STXBP5: variants seen among roughly 807,000 people sequenced by gnomAD.
STXBP5 encodes syntaxin-binding protein 5.
STXBP5 carries 50 observed loss-of-function variants against 152.4 expected under a neutral mutation model. That is an observed-to-expected ratio of 0.33 (90% confidence interval 0.26 to 0.42). The LOEUF (loss-of-function observed/expected upper bound fraction) is 0.42. Ranked by LOEUF, STXBP5 falls within the 10% of genes least tolerant of loss-of-function variation. STXBP5 has a pLI of 1.00. For missense variants in STXBP5, 1,167 were observed against 1,388.6 expected, an observed-to-expected ratio of 0.84 and a Z score of 2.54; for synonymous variants, 492 against 494.7, an observed-to-expected ratio of 0.99 and a Z score of 0.07.
chr6:147,341,177 G>GT (rs1228894585), intron 21 of STXBP5, among the ~76,000 whole-genome samples: 2 of 151,876 alleles, frequency 1.3e-5, no homozygotes, highest in South Asian at 2.1e-4. Context: ...AGACTGTAAA[G>GT]TTTTTTTGCA....
intron 7 of STXBP5, 72 bp downstream of exon 7, chr6:147,267,239 T>G: frequency 7.5e-7 from 1 of 1,329,600 alleles, no homozygotes; most frequent in Non-Finnish European, 1.0e-6. Flanking sequence ...AAAACTTAAT[T>G]GGTAATTTTA....
In STXBP5 at chr6:147,363,981, T is replaced by C. The variant is rs1167108558; in HGVS notation, c.2916-20T>C. On this transcript the variant is annotated intron_variant, in intron 24 of 27. Transcript: ENST00000321680. ...TAAAACCTACCTTATTATTAACAAGTTTTTAATTTTTTTCTCAAGTTTGCC... is the reference window on the plus strand; with the variant it reads ...TAAAACCTACCTTATTATTAACAAGCTTTTAATTTTTTTCTCAAGTTTGCC... The C allele has an allele frequency of 6.2e-7, 1 of 1,607,830 alleles. No individual in the cohort carries two copies. Among genetic ancestry groups the C allele is most frequent in the Admixed American group, 1.7e-5 (1 of 59,134 alleles).
intron 26 of STXBP5, among the ~76,000 whole-genome samples, chr6:147,379,771 G>A (rs2128422138): frequency 6.6e-6 from 1 of 151,954 alleles, no homozygotes; most frequent in Non-Finnish European, 1.5e-5. Flanking sequence ...ACTAATTATA[G>A]CTAATAAACA....
chr6:147,350,480 AT>A (rs1784539562), intron 21 of STXBP5, among the ~76,000 whole-genome samples: 1 of 152,164 alleles, frequency 6.6e-6, no homozygotes, highest in African/African-American at 2.4e-5. Context: ...CGTTTAATGT[AT>A]TCAGAGATGA....
chr6:147,329,596 A>G (rs1010493459), intron 18 of STXBP5, among the ~76,000 whole-genome samples: 7 of 137,548 alleles, frequency 5.1e-5, no homozygotes, highest in African/African-American at 1.9e-4. Context: ...TTGACCAAAT[A>G]TCATCAAATT....
rs932706091 is a variant in STXBP5, at chr6:147,328,412, C to T, written c.2080+1136C>T. On this transcript the variant is annotated intron_variant, in intron 18 of 27. Coordinates refer to ENST00000321680, the MANE Select transcript of STXBP5 (RefSeq NM_001127715.4). ...GGTCTGTACTTCCTAACTCAGTCCC[C>T]TCTGAATTAAAATTCATTCTGCAAA... Among the ~76,000 whole-genome samples the T allele has an allele frequency of 3.9e-5, 6 of 152,180 alleles. No homozygotes were observed. The East Asian group carries it at 1.2e-3, about 29-fold the overall frequency.
At chr6:147,297,487 ATTAC>A (rs975626315) in intron 9 of STXBP5, among the ~76,000 whole-genome samples, 3 of 152,180 alleles carry the variant, frequency 2.0e-5, no homozygotes, top group Non-Finnish European at 4.4e-5. Context: ...AAAGCAGGTA[ATTAC>A]TGTCATGAAA....
intron 22 of STXBP5, among the ~76,000 whole-genome samples, chr6:147,355,733 T>C (rs528346893): frequency 1.1e-4 from 17 of 152,156 alleles, no homozygotes; most frequent in Admixed American, 2.6e-4. Flanking sequence ...AAGGTAGTTA[T>C]GTAGATTCAA....
chr6:147,346,715 G>T (rs1180302522), intron 21 of STXBP5, among the ~76,000 whole-genome samples: 1 of 152,026 alleles, frequency 6.6e-6, no homozygotes, highest in Non-Finnish European at 1.5e-5. Flanking sequence ...ACTCCAGTGT[G>T]GGTGACAGGG....
chr6:147,252,705 A>C (rs920450221), intron 4 of STXBP5, among the ~76,000 whole-genome samples: 5 of 152,192 alleles, frequency 3.3e-5, no homozygotes, highest in African/African-American at 1.2e-4. Flanking sequence ...GCCAACATTC[A>C]AATTCAGGAA....
intron 4 of STXBP5, among the ~76,000 whole-genome samples, chr6:147,249,523 C>T (rs901073829): frequency 1.3e-5 from 2 of 152,140 alleles, no homozygotes; most frequent in African/African-American, 4.8e-5. Flanking sequence ...GTCCCCTACA[C>T]AATAGGTAAG....
intron 4 of STXBP5, among the ~76,000 whole-genome samples, chr6:147,251,126 G>A (rs1229738862): frequency 1.3e-5 from 2 of 152,182 alleles, no homozygotes; most frequent in African/African-American, 4.8e-5. Context: ...AGTGGGTGCA[G>A]TCCACAGAGA....
At position 147,232,022 on chromosome 6, in the gene STXBP5, A is replaced by G. The variant is rs529515350; in HGVS notation, c.249-3228A>G. On this transcript the variant is annotated intron_variant, in intron 2 of 27. Coordinates refer to ENST00000321680, the MANE Select transcript of STXBP5 (RefSeq NM_001127715.4). ...AGTGAATAATACATTGTCTTAAATA[A>G]TAATGGATACCATTTGGTAAGTACA... Among the ~76,000 whole-genome samples the G allele has an allele frequency of 2.1e-4, 32 of 152,046 alleles. No individual in the cohort carries two copies. In the South Asian group the frequency reaches 6.6e-3, roughly 31 times the overall value.
intron 18 of STXBP5, among the ~76,000 whole-genome samples, chr6:147,327,802 A>C (rs1212019777): frequency 1.3e-5 from 2 of 152,172 alleles, no homozygotes; most frequent in African/African-American, 2.4e-5. Context: ...ACGGGATCAA[A>C]CTTTTCAGCT....
Position 147,389,793 on chromosome 6 carries a change from G to A in STXBP5, c.*5038G>A, listed in dbSNP as rs1333570052. The A allele has an allele frequency of 1.3e-5, 2 of 151,718 alleles. No individual in the cohort carries two copies. The highest frequency in any genetic ancestry group is 2.4e-5 in the African/African-American group (1 of 41,348). The allele number at this position is 151,718 out of a possible 1,614,324, so 9.4% of individuals were successfully genotyped here. ...AATACAATCAACATAGCAATGGAAA[G>A]CAATGCAAAGAGGGTAAATCTTGTT... On this transcript the variant is annotated 3_prime_UTR_variant, in exon 28 of 28. Coordinates refer to ENST00000321680, the MANE Select transcript of STXBP5 (RefSeq NM_001127715.4).
intron 9 of STXBP5, among the ~76,000 whole-genome samples, chr6:147,299,595 G>T (rs1781702601): frequency 6.6e-6 from 1 of 151,942 alleles, no homozygotes; most frequent in South Asian, 2.1e-4. Flanking sequence ...TATGAGGCCA[G>T]CATCACCCTG....
chr6:147,374,917 TCA>T, intron 26 of STXBP5, among the ~76,000 whole-genome samples: 1 of 152,192 alleles, frequency 6.6e-6, no homozygotes, highest in African/African-American at 2.4e-5. Flanking sequence ...CCACACACAC[TCA>T]CAACTTTCAG....
chr6:147,390,356 T>C lies in STXBP5; in HGVS notation c.*5601T>C, dbSNP rs1301311627. On this transcript the variant is annotated 3_prime_UTR_variant, in exon 28 of 28. Transcript: ENST00000321680. ...CGTTAAGCTGGTATTTTAAAAAATG[T>C]ATTATAAATTAATTAATGTTTCTGG... 2.0e-5 allele frequency: 3 copies of C among 152,006 alleles called. No homozygotes were observed. The highest frequency in any genetic ancestry group is 4.4e-5 in the Non-Finnish European group (3 of 67,950). The allele number at this position is 152,006 out of a possible 1,614,324, so 9.4% of individuals were successfully genotyped here.
intron 7 of STXBP5, among the ~76,000 whole-genome samples, chr6:147,270,634 C>T (rs555078752): frequency 2.0e-5 from 3 of 151,868 alleles, no homozygotes; most frequent in Non-Finnish European, 2.9e-5. Context: ...AAAAGAAGTC[C>T]TGCATGCAGA....
Sources: gnomAD v4.1 joint callset for allele counts (sites outside exome capture counted in the v4.1 genomes callset) on GRCh38, gnomAD v4.1.1 for gene constraint, MANE v1.5 for transcripts, NCBI Gene and HGNC (gene_info 2026-07-23, HGNC 2026-07-21) for gene names.